The following TASP1 variants were observed in gnomAD, a reference collection of about 807,000 sequenced individuals.
The protein encoded by TASP1 is threonine aspartase 1.
TASP1 carries 16 observed loss-of-function variants against 56.6 expected under a neutral mutation model. The ratio of observed to expected loss-of-function variants is 0.28; its 90% CI spans 0.19 to 0.43. The LOEUF is 0.43. Among genes scored for constraint, TASP1 ranks in the 20% least tolerant of loss-of-function variants. The probability of loss-of-function intolerance (pLI) is 1.00; values close to 1 mark genes in which losing one functional copy is unlikely to be tolerated. For missense variants in TASP1, 393 were observed against 511.6 expected (o/e 0.77, Z 2.24); for synonymous variants, 179 against 184.2 (o/e 0.97, Z 0.23).
At chr20:13,296,625 A>G in the TASP1 span, among the ~76,000 whole-genome samples, 1 of 152,180 alleles carries the variant, frequency 6.6e-6, no homozygotes, top group Admixed American at 6.5e-5. Flanking sequence ...TCTCTTTCCA[A>G]AAGGGACCCT....
the TASP1 span, among the ~76,000 whole-genome samples, chr20:13,289,124 T>C: frequency 1.3e-5 from 2 of 152,218 alleles, no homozygotes; most frequent in African/African-American, 4.8e-5. Flanking sequence ...AGTCAGGAGA[T>C]AATTGATGAG....
At chr20:13,543,706 G>A (rs1375356986) in intron 8 of TASP1, among the ~76,000 whole-genome samples, 2 of 152,132 alleles carry the variant, frequency 1.3e-5, no homozygotes, top group Non-Finnish European at 2.9e-5. Flanking sequence ...CCATAGGCTG[G>A]CTTGTTACAG....
the TASP1 span, among the ~76,000 whole-genome samples, chr20:13,170,087 T>A: frequency 6.6e-6 from 1 of 152,128 alleles, no homozygotes; most frequent in African/African-American, 2.4e-5. Context: ...TGAAGGACAA[T>A]AAAGCAATCA....
At chr20:13,590,327 T>A (rs765340431) in intron 4 of TASP1, among the ~76,000 whole-genome samples, 5 of 152,188 alleles carry the variant, frequency 3.3e-5, no homozygotes, top group Non-Finnish European at 5.9e-5. Flanking sequence ...CCCACAAGGA[T>A]GGCTATAATC....
intron 2 of TASP1, among the ~76,000 whole-genome samples, chr20:13,626,738 G>A (rs2048905903): frequency 6.6e-6 from 1 of 152,172 alleles, no homozygotes; most frequent in Non-Finnish European, 1.5e-5. Context: ...AAGAACAGGT[G>A]ATCTCAAGTT....
intron 11 of TASP1, among the ~76,000 whole-genome samples, chr20:13,474,257 A>G (rs1312402616): frequency 6.6e-6 from 1 of 152,122 alleles, no homozygotes; most frequent in Non-Finnish European, 1.5e-5. Context: ...TACTGTGCCC[A>G]ATATGTAGTC....
chr20:13,240,281 T>C, the TASP1 span, among the ~76,000 whole-genome samples: 2 of 152,224 alleles, frequency 1.3e-5, no homozygotes, highest in Admixed American at 6.5e-5. Flanking sequence ...GGAATTATTA[T>C]AGATTGTGAT....
the TASP1 span, chr20:13,164,507 T>C: frequency 1.8e-6 from 1 of 544,286 alleles, no homozygotes; most frequent in Non-Finnish European, 3.4e-6. Context: ...CTCTTCACAC[T>C]CTCAAAATAA....
At chr20:13,431,008 G>A (rs1297468998) in intron 12 of TASP1, among the ~76,000 whole-genome samples, 1 of 152,060 alleles carries the variant, frequency 6.6e-6, no homozygotes, top group Admixed American at 6.6e-5. Context: ...GGTGTAATGA[G>A]AACATTATTT....
At chr20:13,572,417 C>T (rs541908000) in intron 6 of TASP1, among the ~76,000 whole-genome samples, 1 of 152,314 alleles carries the variant, frequency 6.6e-6, no homozygotes, top group South Asian at 2.1e-4. Flanking sequence ...GACGCAGTGG[C>T]TCACACCTGC....
At chr20:13,514,867 C>A (rs1312203588) in intron 10 of TASP1, among the ~76,000 whole-genome samples, 1 of 152,132 alleles carries the variant, frequency 6.6e-6, no homozygotes, top group East Asian at 1.9e-4. Flanking sequence ...GATCATGCTG[C>A]AATTCACTAA....
the TASP1 span, among the ~76,000 whole-genome samples, chr20:13,178,582 T>C: frequency 6.6e-6 from 1 of 151,520 alleles, no homozygotes; most frequent in Non-Finnish European, 1.5e-5. Context: ...AAGAATGAAA[T>C]CCTGTCATTT....
chr20:13,289,987 G>A, the TASP1 span, among the ~76,000 whole-genome samples: 1 of 152,158 alleles, frequency 6.6e-6, no homozygotes, highest in Non-Finnish European at 1.5e-5. Context: ...GAACAAAGGA[G>A]AAATGAAAGC....
the TASP1 span, among the ~76,000 whole-genome samples, chr20:13,211,085 T>A: frequency 2.6e-5 from 4 of 152,128 alleles, no homozygotes; most frequent in African/African-American, 4.8e-5. Context: ...ACCTGAGTGC[T>A]TAATTGAGAT....
chr20:13,533,105 T>C lies in TASP1; in HGVS notation c.795+917A>G, dbSNP rs143685013. 1.8e-3 allele frequency among the ~76,000 whole-genome samples: 281 copies of C among 152,256 alleles called. 1 individual carries two copies. Among genetic ancestry groups the C allele is most frequent in the African/African-American group, 6.4e-3 (264 of 41,546 alleles). On this transcript the variant is annotated intron_variant, in intron 9 of 13. Transcript: ENST00000337743. ...GGTGTGCAGTGATATTCTCCATGAA[T>C]TGGATCTCTCTGCTTCAAATAGTCA...
the TASP1 span, among the ~76,000 whole-genome samples, chr20:13,367,826 C>CT: frequency 6.6e-6 from 1 of 152,126 alleles, no homozygotes; most frequent in African/African-American, 2.4e-5. Context: ...AGTAAATTGA[C>CT]TTTTAGCTGT....
At chr20:13,216,825 C>T in the TASP1 span, among the ~76,000 whole-genome samples, 1 of 152,188 alleles carries the variant, frequency 6.6e-6, no homozygotes, top group African/African-American at 2.4e-5. Context: ...TGGGCAAAAA[C>T]ATCCAGCCAG....
intron 10 of TASP1, among the ~76,000 whole-genome samples, chr20:13,509,076 T>C (rs927868142): frequency 6.6e-6 from 1 of 151,628 alleles, no homozygotes; most frequent in Non-Finnish European, 1.5e-5. Context: ...AGCCAAGATA[T>C]GGAAACTACC....
chr20:13,627,696 C>T (rs964694701), intron 2 of TASP1, among the ~76,000 whole-genome samples: 4 of 139,292 alleles, frequency 2.9e-5, no homozygotes, highest in African/African-American at 1.2e-4. Flanking sequence ...CAAGATCACA[C>T]CACTGCAGCC....
Sources: gnomAD v4.1 joint callset for allele counts (sites outside exome capture counted in the v4.1 genomes callset) on GRCh38, gnomAD v4.1.1 for gene constraint, MANE v1.5 for transcripts, NCBI Gene and HGNC (gene_info 2026-07-23, HGNC 2026-07-21) for gene names.